HIP1: variants seen among roughly 807,000 people sequenced by gnomAD.
HIP1 encodes huntingtin interacting protein 1.
HIP1 carries 65 observed loss-of-function variants against 147.6 expected under a neutral mutation model. The observed-to-expected ratio is 0.44, with a 90% CI of 0.36 to 0.54. The LOEUF (loss-of-function observed/expected upper bound fraction) is 0.54, where lower values mean the gene tolerates loss of function less well. Ranked by LOEUF, HIP1 falls within the 20% of genes least tolerant of loss-of-function variation. HIP1 has a pLI of 0.00. For missense variants in HIP1, 1,061 were observed against 1,299.6 expected (o/e 0.82, Z 2.82); for synonymous variants, 479 against 504.0 (o/e 0.95, Z 0.67).
intron 1 of HIP1, among the ~76,000 whole-genome samples, chr7:75,704,730 T>C (rs1370574874): frequency 6.6e-6 from 1 of 151,872 alleles, no homozygotes; most frequent in Non-Finnish European, 1.5e-5. Flanking sequence ...CCCGCCATCA[T>C]GCCCGGCTAA....
intron 1 of HIP1, among the ~76,000 whole-genome samples, chr7:75,632,942 T>C (rs868928452): frequency 2.6e-5 from 4 of 152,084 alleles, no homozygotes; most frequent in Non-Finnish European, 5.9e-5. Context: ...CACTTATAAG[T>C]AGGACCTGAG....
chr7:75,691,294 G>A (rs1170313059), intron 1 of HIP1, among the ~76,000 whole-genome samples: 1 of 151,704 alleles, frequency 6.6e-6, no homozygotes, highest in African/African-American at 2.4e-5. Context: ...TTCGAGACCA[G>A]TCTGGTCAAC....
At chr7:75,667,787 G>A (rs1050561914) in intron 1 of HIP1, among the ~76,000 whole-genome samples, 1 of 152,204 alleles carries the variant, frequency 6.6e-6, no homozygotes, top group Non-Finnish European at 1.5e-5. Context: ...CACTGCACCC[G>A]GCAGTTTGAT....
intron 1 of HIP1, among the ~76,000 whole-genome samples, chr7:75,599,690 C>T (rs986863936): frequency 8.5e-5 from 13 of 152,136 alleles, no homozygotes; most frequent in African/African-American, 2.9e-4. Context: ...GAGCCTTCTC[C>T]GGCTGGCCAG....
At chr7:75,723,414 C>T (rs1801558023) in intron 1 of HIP1, among the ~76,000 whole-genome samples, 1 of 152,138 alleles carries the variant, frequency 6.6e-6, no homozygotes, top group African/African-American at 2.4e-5. Context: ...TATTATCTTA[C>T]AGTTCTGTAG....
intron 9 of HIP1, among the ~76,000 whole-genome samples, chr7:75,565,066 A>C (rs1795356322): frequency 6.6e-6 from 1 of 152,156 alleles, no homozygotes; most frequent in Admixed American, 6.6e-5. Context: ...AAAGGGGTAC[A>C]TGGGCCTTAA....
chr7:75,597,797 C>A (rs1237341963), intron 2 of HIP1, among the ~76,000 whole-genome samples: 2 of 151,226 alleles, frequency 1.3e-5, no homozygotes, highest in African/African-American at 4.9e-5. Flanking sequence ...CTTGCTCTGG[C>A]CCAGCACACA....
At chr7:75,542,569 G>A (rs1284314820) in intron 28 of HIP1, among the ~76,000 whole-genome samples, 2 of 151,822 alleles carry the variant, frequency 1.3e-5, no homozygotes, top group Non-Finnish European at 2.9e-5. Flanking sequence ...CATGGTGGCG[G>A]GCGCCTGTAA....
chr7:75,586,007 G>T (rs905748980), intron 5 of HIP1, among the ~76,000 whole-genome samples: 1 of 150,672 alleles, frequency 6.6e-6, no homozygotes, highest in African/African-American at 2.4e-5. Context: ...GTAGAGACAG[G>T]ATCTTGCTAT....
intron 1 of HIP1, among the ~76,000 whole-genome samples, chr7:75,711,730 C>T (rs1194497291): frequency 6.6e-6 from 1 of 152,220 alleles, no homozygotes; most frequent in East Asian, 1.9e-4. Flanking sequence ...GTCCAGACCT[C>T]TCTCTGAGGT....
chr7:75,732,028 GGCTGA>G, intron 1 of HIP1, among the ~76,000 whole-genome samples: 1 of 152,138 alleles, frequency 6.6e-6, no homozygotes, highest in East Asian at 1.9e-4. Flanking sequence ...GCTGAACTAA[GGCTGA>G]GCATCTGCTT....
intron 1 of HIP1, among the ~76,000 whole-genome samples, chr7:75,616,114 T>TAAGAAAAGAA (rs1189846741): frequency 9.7e-6 from 1 of 103,328 alleles, no homozygotes; most frequent in South Asian, 3.1e-4. Flanking sequence ...AAAGAAAAGA[T>TAAGAAAAGAA]AAGAAAAGAA....
chr7:75,566,070 C>T (rs1020219562), intron 9 of HIP1, among the ~76,000 whole-genome samples: 1 of 150,640 alleles, frequency 6.6e-6, no homozygotes, highest in Non-Finnish European at 1.5e-5. Context: ...ATTCTGACGC[C>T]CAGGCCTGAG....
intron 1 of HIP1, among the ~76,000 whole-genome samples, chr7:75,695,160 G>A (rs782498805): frequency 2.1e-4 from 32 of 152,176 alleles, no homozygotes; most frequent in South Asian, 6.2e-4. Flanking sequence ...AAAGTTAATT[G>A]GAAATTCCGT....
At chr7:75,667,208 C>A (rs1554514714) in intron 1 of HIP1, among the ~76,000 whole-genome samples, 1 of 152,032 alleles carries the variant, frequency 6.6e-6, no homozygotes, top group African/African-American at 2.4e-5. Context: ...AATAGACTTT[C>A]TGGGAAAAGG....
At chr7:75,612,436 G>A (rs1005918113) in intron 1 of HIP1, among the ~76,000 whole-genome samples, 21 of 152,014 alleles carry the variant, frequency 1.4e-4, no homozygotes, top group Non-Finnish European at 2.8e-4. Context: ...TTGAACCCAC[G>A]AGGTGGAGGT....
At chr7:75,545,499 A>G (rs1490441703) in intron 25 of HIP1, among the ~76,000 whole-genome samples, 1 of 151,750 alleles carries the variant, frequency 6.6e-6, no homozygotes, top group Non-Finnish European at 1.5e-5. Context: ...AAAATTAGCT[A>G]GGTGTGGTGG....
At chr7:75,694,788 G>A (rs1057079548) in intron 1 of HIP1, among the ~76,000 whole-genome samples, 1 of 151,642 alleles carries the variant, frequency 6.6e-6, no homozygotes, top group Admixed American at 6.6e-5. Context: ...GGGATTACAT[G>A]CATGAGCCAC....
Position 75,738,782 on chromosome 7 carries a change from C to A in HIP1, c.120+19G>T. Reference sequence around the variant, plus strand: ...CCCTCAGGGTGCCCCAGGGATGCCCCGGGGTCCCCCGTCCTCACCTGAGTC... The same window carrying A: ...CCCTCAGGGTGCCCCAGGGATGCCCAGGGGTCCCCCGTCCTCACCTGAGTC... On this transcript the variant is annotated intron_variant, in intron 1 of 30. Coordinates refer to ENST00000336926, the MANE Select transcript of HIP1 (RefSeq NM_005338.7). 6.3e-7 allele frequency: 1 copy of A among 1,597,822 alleles called. No homozygotes were observed. The highest frequency in any genetic ancestry group is 2.3e-5 in the East Asian group (1 of 43,520).
Sources: allele counts gnomAD v4.1 joint callset (sites outside exome capture counted in the v4.1 genomes callset), GRCh38; gene constraint gnomAD v4.1.1; transcripts MANE v1.5; gene names NCBI Gene and HGNC (gene_info 2026-07-23, HGNC 2026-07-21).